Variants in DPY19L3 observed in about 807,000 individuals in gnomAD.
DPY19L3 encodes protein C-mannosyl-transferase DPY19L3.
Under a neutral mutation model 92.3 loss-of-function variants are expected in DPY19L3, and 51 were observed. The observed-to-expected ratio is 0.55, with a 90% CI of 0.44 to 0.70. DPY19L3 has a LOEUF of 0.70. Ranked by LOEUF, DPY19L3 falls within the 30% of genes least tolerant of loss-of-function variation. The pLI is 0.00. For synonymous variants in DPY19L3, 309 were observed against 315.2 expected (o/e 0.98, Z 0.21); for missense variants, 706 against 855.9 (o/e 0.82, Z 2.18).
At chr19:32,433,939 T>A (rs183306833) in intron 4 of DPY19L3, among the ~76,000 whole-genome samples, 1 of 152,322 alleles carries the variant, frequency 6.6e-6, no homozygotes, top group African/African-American at 2.4e-5. Flanking sequence ...GGATGCAAAT[T>A]AGTGACCTTC....
At chr19:32,472,004 G>A (rs535218677) in intron 16 of DPY19L3, among the ~76,000 whole-genome samples, 1 of 152,264 alleles carries the variant, frequency 6.6e-6, no homozygotes, top group East Asian at 1.9e-4. Flanking sequence ...GTGGATGCAG[G>A]TGGCGCTCCA....
At chr19:32,440,565 G>A (rs1470284633) in intron 8 of DPY19L3, among the ~76,000 whole-genome samples, 1 of 152,156 alleles carries the variant, frequency 6.6e-6, no homozygotes, top group African/African-American at 2.4e-5. Context: ...AAGGATTTGT[G>A]CTCATTTATT....
intron 7 of DPY19L3, 65 bp from the exon 8 acceptor site, chr19:32,439,711 A>C: frequency 6.4e-7 from 1 of 1,553,734 alleles, no homozygotes; most frequent in South Asian, 1.2e-5. Flanking sequence ...CTCTTGAGAA[A>C]ACTTGTCTGC....
intron 4 of DPY19L3, among the ~76,000 whole-genome samples, chr19:32,436,092 C>CA (rs1025571063): frequency 2.6e-5 from 4 of 152,200 alleles, no homozygotes; most frequent in African/African-American, 9.6e-5. Context: ...GAAGGAAGGC[C>CA]ATGTATACTC....
At chr19:32,412,189 GTTT>G (rs999246796) in intron 3 of DPY19L3, 2 of 152,050 alleles carry the variant, frequency 1.3e-5, no homozygotes, top group Non-Finnish European at 2.9e-5. Context: ...AATCAAGTGA[GTTT>G]TTTCTTTTTC....
At chr19:32,434,568 A>G (rs777601886) in intron 4 of DPY19L3, among the ~76,000 whole-genome samples, 71 of 152,218 alleles carry the variant, frequency 4.7e-4, no homozygotes, top group Non-Finnish European at 9.4e-4. Flanking sequence ...CTGAGGCAGG[A>G]GAATCGCTTA....
At chr19:32,481,902 C>A in intron 18 of DPY19L3, 177 bp from the exon 19 acceptor site, 1 of 683,726 alleles carries the variant, frequency 1.5e-6, no homozygotes, top group Non-Finnish European at 2.4e-6. Context: ...TTGGTCTGCA[C>A]TTCTGAAGGG....
In DPY19L3 at chr19:32,439,956, G is replaced by A. The variant is rs763091560; in HGVS notation, c.855+46G>A. 5.6e-5 allele frequency: 90 copies of A among 1,602,992 alleles called. No individual in the cohort carries two copies. The East Asian group carries it at 1.7e-3, about 31-fold the overall frequency. ...TCACTTGAGATTTTGGCCATTTAGT[G>A]TTTTTATATCATAGAATGAGATGAA... is the stretch of plus-strand genomic sequence containing the variant. On this transcript the variant is annotated intron_variant, in intron 8 of 18. Transcript: ENST00000392250.
At position 32,434,699 on chromosome 19, in the gene DPY19L3, C is replaced by T. The variant is rs188069942; in HGVS notation, c.329-1747C>T. Among the ~76,000 whole-genome samples, 675 of 152,334 alleles carry T rather than the reference C, an allele frequency of 4.4e-3. 3 individuals carry two copies. The highest frequency in any genetic ancestry group is 7.4e-3 in the Non-Finnish European group (505 of 68,032). On this transcript the variant is annotated intron_variant, in intron 4 of 18. Coordinates refer to ENST00000392250, the MANE Select transcript of DPY19L3 (RefSeq NM_001172774.2). ...AAAAATTAACTAATTAATTAAAACA[C>T]GACAGACTCTTAAATGGCAGAAATT...
chr19:32,473,351 G>T (rs987612379), intron 16 of DPY19L3, among the ~76,000 whole-genome samples: 4 of 152,138 alleles, frequency 2.6e-5, no homozygotes, highest in Admixed American at 6.5e-5. Flanking sequence ...TGTAAAAATT[G>T]CTTTGTTTTT....
chr19:32,471,943 TCAG>T (rs1970370289), intron 16 of DPY19L3, among the ~76,000 whole-genome samples: 2 of 152,294 alleles, frequency 1.3e-5, no homozygotes, highest in South Asian at 4.1e-4. Flanking sequence ...TTAATATAGT[TCAG>T]CAGATGTTCA....
chr19:32,428,305 G>GT (rs1968837658), intron 3 of DPY19L3, among the ~76,000 whole-genome samples: 1 of 151,884 alleles, frequency 6.6e-6, no homozygotes, highest in Non-Finnish European at 1.5e-5. Flanking sequence ...AGTTGTTCTT[G>GT]TTTTTTTAAA....
At chr19:32,441,625 G>A (rs1333572125) in intron 8 of DPY19L3, among the ~76,000 whole-genome samples, 1 of 151,536 alleles carries the variant, frequency 6.6e-6, no homozygotes, top group East Asian at 1.9e-4. Flanking sequence ...AGCCTCCCAA[G>A]TAGCTGGGAA....
At chr19:32,421,652 A>AG (rs1248783659) in intron 3 of DPY19L3, among the ~76,000 whole-genome samples, 2 of 142,706 alleles carry the variant, frequency 1.4e-5, no homozygotes, top group Non-Finnish European at 3.0e-5. Context: ...AAAAAGAGAG[A>AG]GGAGTCTGTA....
chr19:32,482,099 G>T lies in DPY19L3; in HGVS notation c.2010G>T (p.Glu670Asp), dbSNP rs1970690574. The T allele has an allele frequency of 6.2e-7, 1 of 1,613,766 alleles. No individual in the cohort carries two copies. The highest frequency in any genetic ancestry group is 8.5e-7 in the Non-Finnish European group (1 of 1,179,822). ...TTTAGATGATGGATGGCCCAGGAGA[G>T]AATGATCCTGATTTGAAACCTGCAG... Reference protein sequence around the residue: ...ANGHMMDGPGENDPDLKPADH... With the variant: ...ANGHMMDGPGDNDPDLKPADH... Residue 670 changes from glutamate (E) to aspartate (D), a missense_variant, in exon 19 of 19, where the codon GAG becomes GAT. By Grantham distance (45) the Glu-to-Asp change is conservative. Coordinates refer to ENST00000392250, the MANE Select transcript of DPY19L3 (RefSeq NM_001172774.2).
At chr19:32,467,989 A>G in intron 15 of DPY19L3, 1 of 985,074 alleles carries the variant, frequency 1.0e-6, no homozygotes, top group African/African-American at 1.7e-5. Context: ...ACATTTAAAT[A>G]TTATTCTCTT....
chr19:32,447,508 G>A (rs1969537410), intron 8 of DPY19L3, among the ~76,000 whole-genome samples: 1 of 152,070 alleles, frequency 6.6e-6, no homozygotes, highest in Non-Finnish European at 1.5e-5. Context: ...CCTGAGGTCA[G>A]GAGTTTGAGA....
At chr19:32,408,140 G>A (rs948681172) in intron 1 of DPY19L3, 77 bp from the exon 2 acceptor site, 1 of 719,630 alleles carries the variant, frequency 1.4e-6, no homozygotes, top group African/African-American at 1.8e-5. Flanking sequence ...CATAAGTAAA[G>A]GCATTTCAGC....
chr19:32,452,995 C>G, intron 8 of DPY19L3, 150 bp from the exon 9 acceptor site: 2 of 898,010 alleles, frequency 2.2e-6, no homozygotes, highest in Non-Finnish European at 3.3e-6. Flanking sequence ...ATGTGAGCCA[C>G]CGCGCCTGGC....
Sources: allele counts gnomAD v4.1 joint callset (sites outside exome capture counted in the v4.1 genomes callset), GRCh38; gene constraint gnomAD v4.1.1; transcripts MANE v1.5; gene names NCBI Gene and HGNC (gene_info 2026-07-23, HGNC 2026-07-21).